Variants in CCL26 observed in about 807,000 individuals in gnomAD.
CCL26 encodes the protein C-C motif chemokine ligand 26, also known as C-C motif chemokine 26.
CCL26 carries 10 observed loss-of-function variants against 10.7 expected under a neutral mutation model. The ratio of observed to expected loss-of-function variants is 0.93; its 90% CI spans 0.57 to 1.58. The LOEUF (loss-of-function observed/expected upper bound fraction) is 1.58, where lower values mean the gene tolerates loss of function less well. Ranked by LOEUF, CCL26 falls within the 40% of genes most tolerant of loss-of-function variation. The pLI is 0.00. For synonymous variants in CCL26, 43 were observed against 41.4 expected (o/e 1.04, Z -0.15); for missense variants, 116 against 111.0 (o/e 1.05, Z -0.20).
chr7:75,790,157 CCCTT>C (rs1554530598), upstream of CCL26, among the ~76,000 whole-genome samples: 221 of 65,854 alleles, frequency 3.4e-3, 1 homozygote, highest in Non-Finnish European at 4.2e-3. Context: ...CTGTCTCTCT[CCCTT>C]CCTTCCTTCC....
intron 1 of CCL26, among the ~76,000 whole-genome samples, chr7:75,777,505 T>C (rs1166403961): frequency 6.6e-6 from 1 of 151,912 alleles, no homozygotes; most frequent in Non-Finnish European, 1.5e-5. Flanking sequence ...CCCAGCACTT[T>C]AGGAAGCCGA....
At chr7:75,789,464 T>C (rs868976045) in intron 1 of CCL26, among the ~76,000 whole-genome samples, 3,387 of 144,660 alleles carry the variant, frequency 0.023, 68 homozygotes, top group African/African-American at 0.057. Flanking sequence ...TTTTTCTCTT[T>C]TTTTTTTTTT....
intron 1 of CCL26, among the ~76,000 whole-genome samples, chr7:75,787,908 C>T (rs1337501290): frequency 6.6e-6 from 1 of 152,040 alleles, no homozygotes; most frequent in Non-Finnish European, 1.5e-5. Context: ...TACAGAACGG[C>T]ATCCGGGCCT....
intron 1 of CCL26, among the ~76,000 whole-genome samples, chr7:75,778,436 G>A (rs1274413519): frequency 6.8e-6 from 1 of 147,810 alleles, no homozygotes; most frequent in South Asian, 2.2e-4. Context: ...GTAGAGATGA[G>A]GTTTTGCCAT....
chr7:75,771,828 C>G, intron 2 of CCL26, 61 bp downstream of exon 2: 1 of 1,045,918 alleles, frequency 9.6e-7, no homozygotes, highest in Non-Finnish European at 1.5e-6. Flanking sequence ...GGGGTCTGCC[C>G]AGCACCCATC....
intron 1 of CCL26, among the ~76,000 whole-genome samples, chr7:75,782,983 C>T (rs1803098507): frequency 6.6e-6 from 1 of 152,134 alleles, no homozygotes; most frequent in African/African-American, 2.4e-5. Context: ...GCCTCTGCTC[C>T]CCAACCCTAT....
chr7:75,788,677 G>T (rs1803256007), intron 1 of CCL26, among the ~76,000 whole-genome samples: 1 of 149,180 alleles, frequency 6.7e-6, no homozygotes, highest in Admixed American at 6.7e-5. Context: ...AGTGAGCCAA[G>T]ATCACACCAC....
upstream of CCL26, among the ~76,000 whole-genome samples, chr7:75,790,062 T>G (rs1803290893): frequency 7.1e-6 from 1 of 140,280 alleles, no homozygotes; most frequent in Non-Finnish European, 1.5e-5. Context: ...TCTCTTTCTT[T>G]CTTTCCCTTC....
upstream of CCL26, among the ~76,000 whole-genome samples, chr7:75,790,854 G>A (rs1563342711): frequency 6.6e-6 from 1 of 151,432 alleles, no homozygotes; most frequent in Non-Finnish European, 1.5e-5. Flanking sequence ...TGAGGCAGGA[G>A]AATAGCTTGA....
chr7:75,781,151 AT>A (rs1228550369), intron 1 of CCL26, among the ~76,000 whole-genome samples: 2 of 152,172 alleles, frequency 1.3e-5, no homozygotes, highest in African/African-American at 4.8e-5. Context: ...CTCAATTTAC[AT>A]TTTATTACCC....
upstream of CCL26, among the ~76,000 whole-genome samples, chr7:75,791,518 A>G (rs1281023436): frequency 2.5e-5 from 3 of 120,256 alleles, no homozygotes; most frequent in Non-Finnish European, 5.6e-5. Context: ...ATCTCCCAGG[A>G]GCCCCCATCT....
chr7:75,791,013 C>CTTTTTTTTTTTTTTTTTT (rs35608337), upstream of CCL26, among the ~76,000 whole-genome samples: 2 of 134,352 alleles, frequency 1.5e-5, no homozygotes. Context: ...GAAACTCCTC[C>CTTTTTTTTTTTTTTTTTT]TTTTTTTTTT....
rs1258758306 is a variant in CCL26 at position 75,771,960 on chromosome 7, G to T, written c.117C>A (p.His39Gln). 3.1e-6 allele frequency: 5 copies of T among 1,614,062 alleles called. No homozygotes were observed. Among genetic ancestry groups the T allele is most frequent in the Non-Finnish European group, 4.2e-6 (5 of 1,179,992 alleles). Reference protein sequence around the residue: ...ISKTCCFQYSHKPLPWTWVRS... With the variant: ...ISKTCCFQYSQKPLPWTWVRS... ...GCACCCAGGTCCAGGGAAGGGGCTT[G>T]TGGCTGTATTGGAAGCAGCAGGTCT... The change falls in exon 2 of 3, where the codon CAC becomes CAA. Residue 39 changes from histidine (H) to glutamine (Q), a missense_variant. Coordinates refer to ENST00000005180, the MANE Select transcript of CCL26 (RefSeq NM_001371938.1).
At chr7:75,776,996 C>T (rs1339644479), upstream of CCL26, among the ~76,000 whole-genome samples, 6 of 152,032 alleles carry the variant, frequency 3.9e-5, no homozygotes, top group African/African-American at 1.5e-4. Flanking sequence ...TTTGGGGGGC[C>T]GAAGTGGGTG....
At chr7:75,783,566 G>A (rs191673774) in intron 1 of CCL26, among the ~76,000 whole-genome samples, 5 of 152,136 alleles carry the variant, frequency 3.3e-5, no homozygotes, top group South Asian at 2.1e-4. Flanking sequence ...TTGGGAGGCC[G>A]AGGTGGGCGG....
intron 1 of CCL26, among the ~76,000 whole-genome samples, chr7:75,781,291 TTTCTGAGTTGCAA>T (rs1391631208): frequency 6.6e-6 from 1 of 152,228 alleles, no homozygotes; most frequent in Non-Finnish European, 1.5e-5. Context: ...TAGCAACGTA[TTTCTGAGTTGCAA>T]TTCCTTGCCT....
intron 1 of CCL26, among the ~76,000 whole-genome samples, chr7:75,785,607 CA>C (rs1218554977): frequency 1.3e-5 from 2 of 152,202 alleles, no homozygotes; most frequent in Admixed American, 1.3e-4. Flanking sequence ...TACTTAACAA[CA>C]AGTCCTTTCC....
chr7:75,775,638 T>C (rs28411750), upstream of CCL26, among the ~76,000 whole-genome samples: 44,800 of 151,934 alleles, frequency 0.29, 7,239 homozygotes, highest in African/African-American at 0.43. Context: ...GGCTGCACCC[T>C]ACACTCCTGG....
At chr7:75,790,112 T>C (rs373176899), upstream of CCL26, among the ~76,000 whole-genome samples, 136 of 149,790 alleles carry the variant, frequency 9.1e-4, 1 homozygote, top group African/African-American at 3.2e-3. Context: ...TCCTTTTCTC[T>C]TTCTTTTTCT....
Sources: allele counts gnomAD v4.1 joint callset (sites outside exome capture counted in the v4.1 genomes callset), GRCh38; gene constraint gnomAD v4.1.1; transcripts MANE v1.5; gene names NCBI Gene and HGNC (gene_info 2026-07-23, HGNC 2026-07-21).